Variants in RASA3 observed in about 807,000 individuals in gnomAD.
RASA3 encodes the protein RAS p21 protein activator 3, also known as ras GTPase-activating protein 3.
Under a neutral mutation model 110.0 loss-of-function variants are expected in RASA3, and 73 were observed. The ratio of observed to expected loss-of-function variants is 0.66; its 90% CI spans 0.55 to 0.81. The LOEUF is 0.81. RASA3 is among the 30% of genes least tolerant of loss of function. The pLI is 0.00. For missense variants in RASA3, 976 were observed against 1,113.2 expected, an observed-to-expected ratio of 0.88 and a Z score of 1.75; for synonymous variants, 500 against 451.4, an observed-to-expected ratio of 1.11 and a Z score of -1.37.
chr13:114,043,347 G>A (rs2054456806), intron 3 of RASA3, among the ~76,000 whole-genome samples: 1 of 152,264 alleles, frequency 6.6e-6, no homozygotes, highest in African/African-American at 2.4e-5. Flanking sequence ...TGCCATGCAC[G>A]TCAGCATCTT....
At chr13:114,088,352 G>A (rs1352826011) in intron 1 of RASA3, among the ~76,000 whole-genome samples, 1 of 152,132 alleles carries the variant, frequency 6.6e-6, no homozygotes, top group Admixed American at 6.6e-5. Flanking sequence ...GGCCACATAA[G>A]GAAGGTTCTC....
At chr13:114,027,525 T>C (rs1273577425) in intron 6 of RASA3, 64 bp from the exon 7 acceptor site, 2 of 1,288,386 alleles carry the variant, frequency 1.6e-6, no homozygotes, top group Admixed American at 1.8e-5. Flanking sequence ...CTCTCAGTGG[T>C]AAAACCGAGC....
At chr13:114,033,382 C>T (rs1433218572) in intron 4 of RASA3, among the ~76,000 whole-genome samples, 3 of 133,698 alleles carry the variant, frequency 2.2e-5, no homozygotes, top group Non-Finnish European at 1.6e-5. Context: ...CTTGACACCA[C>T]GTTCCATGGC....
intron 1 of RASA3, among the ~76,000 whole-genome samples, chr13:114,083,490 G>A (rs1172244767): frequency 6.6e-6 from 1 of 152,248 alleles, no homozygotes; most frequent in Non-Finnish European, 1.5e-5. Flanking sequence ...GCAATGGCGT[G>A]CCGTGAAATC....
intron 1 of RASA3, among the ~76,000 whole-genome samples, chr13:114,125,658 C>T (rs2080436809): frequency 6.6e-6 from 1 of 152,180 alleles, no homozygotes; most frequent in Non-Finnish European, 1.5e-5. Context: ...TTGCTATTTG[C>T]TCACTCAGCC....
At chr13:114,023,813 G>A (rs1302607914) in intron 8 of RASA3, among the ~76,000 whole-genome samples, 3 of 152,002 alleles carry the variant, frequency 2.0e-5, no homozygotes, top group Non-Finnish European at 4.4e-5. Flanking sequence ...CAGGACGCCA[G>A]GTGAGAGTGT....
At chr13:114,072,250 T>A (rs867725478) in intron 2 of RASA3, among the ~76,000 whole-genome samples, 22 of 152,178 alleles carry the variant, frequency 1.4e-4, no homozygotes, top group South Asian at 2.1e-4. Flanking sequence ...TCAACTGCAG[T>A]GGTCCTCCGA....
chr13:114,087,459 A>C (rs971408556), intron 1 of RASA3, among the ~76,000 whole-genome samples: 2 of 152,258 alleles, frequency 1.3e-5, no homozygotes, highest in African/African-American at 4.8e-5. Context: ...GTCCACGCAG[A>C]GACCTCCTGG....
intron 1 of RASA3, among the ~76,000 whole-genome samples, chr13:114,122,848 C>T (rs2080396868): frequency 6.6e-6 from 1 of 152,208 alleles, no homozygotes; most frequent in Non-Finnish European, 1.5e-5. Flanking sequence ...AAGCAAGGAC[C>T]ACTGGCTGCC....
At chr13:114,042,021 C>T (rs554395894) in intron 3 of RASA3, among the ~76,000 whole-genome samples, 2 of 152,364 alleles carry the variant, frequency 1.3e-5, no homozygotes, top group African/African-American at 4.8e-5. Flanking sequence ...TACTTTGGGG[C>T]TACGCTTCCA....
At position 114,007,514 on chromosome 13, in the gene RASA3, G is replaced by A. The variant is rs553251338; in HGVS notation, c.1742+19C>T. 478 of 1,595,324 alleles carry A rather than the reference G, an allele frequency of 3.0e-4. No individual in the cohort carries two copies. The highest frequency in any genetic ancestry group is 3.8e-4 in the Non-Finnish European group (442 of 1,166,162). ...CTTCTCCCCTCCTGCCCTGCCAGAC[G>A]CCACCTTACCCTCCTTACCCTTCTT... On this transcript the variant is annotated intron_variant, in intron 18 of 23. Transcript: ENST00000334062.
At chr13:114,100,196 G>A (rs2080037705) in intron 1 of RASA3, among the ~76,000 whole-genome samples, 1 of 151,646 alleles carries the variant, frequency 6.6e-6, no homozygotes, top group South Asian at 2.1e-4. Context: ...ACGCAGCTCT[G>A]ACTCTGCCCC....
chr13:114,110,292 C>T (rs1443337514), intron 1 of RASA3, among the ~76,000 whole-genome samples: 1 of 152,192 alleles, frequency 6.6e-6, no homozygotes, highest in Non-Finnish European at 1.5e-5. Context: ...GAGAGACAGA[C>T]CCGGGCCCCT....
In RASA3 at chr13:114,132,563, A is replaced by G. The variant is rs1288577526; in HGVS notation, c.-74T>C. 18 of 1,216,648 alleles carry G rather than the reference A, an allele frequency of 1.5e-5. No individual in the cohort carries two copies. Among genetic ancestry groups the G allele is most frequent in the Non-Finnish European group, 1.8e-5 (18 of 973,866 alleles). 75.4% of individuals were successfully genotyped at this position (1,216,648 alleles called of 1,614,324 possible). A position where few individuals can be genotyped will look rare whatever the true frequency, so the allele number is the denominator to read the frequency against. On this transcript the variant is annotated 5_prime_UTR_variant, in exon 1 of 24. Transcript: ENST00000334062. ...CGGGCAGCTCAGGCCGAGCAGGAGG[A>G]GCGGCGGCGCCGGAGCCCCGAGCGC...
intron 18 of RASA3, among the ~76,000 whole-genome samples, chr13:114,003,287 T>A (rs2053443281): frequency 6.6e-6 from 1 of 152,228 alleles, no homozygotes; most frequent in South Asian, 2.1e-4. Flanking sequence ...CTCAGCTGCA[T>A]CCAGGGCACC....
chr13:114,128,274 C>G (rs1229712599), intron 1 of RASA3, among the ~76,000 whole-genome samples: 1 of 152,250 alleles, frequency 6.6e-6, no homozygotes, highest in East Asian at 1.9e-4. Context: ...AAACACTTCT[C>G]TTACCTGAGT....
At position 114,040,715 on chromosome 13, in the gene RASA3, C is replaced by T. The variant is rs564729864; in HGVS notation, c.372+285G>A. ...CAACCCAAAATCCACACGCGGAGCC[C>T]GCGCTCACTCCGAGCACAAGCGGGC... On this transcript the variant is annotated intron_variant, in intron 4 of 23. Transcript: ENST00000334062. Among the ~76,000 whole-genome samples, 23 of 148,498 alleles carry T rather than the reference C, an allele frequency of 1.5e-4. 1 individual carries two copies. The highest frequency in any genetic ancestry group is 3.0e-4 in the African/African-American group (12 of 40,170).
chr13:114,069,169 T>G lies in RASA3; in HGVS notation c.173+4551A>C, dbSNP rs1403212700. ...GAAGCTGAGTTCCGCCTTTCCTTCC[T>G]CACACATTCCATTTGCAGCTTCCTG... On this transcript the variant is annotated intron_variant, in intron 2 of 23. Transcript: ENST00000334062. Among the ~76,000 whole-genome samples, 6 of 152,152 alleles carry G rather than the reference T, an allele frequency of 3.9e-5. No homozygotes were observed. The East Asian group carries it at 9.8e-4, about 25-fold the overall frequency.
chr13:114,098,664 G>C (rs2079979077), intron 1 of RASA3, among the ~76,000 whole-genome samples: 1 of 152,042 alleles, frequency 6.6e-6, no homozygotes, highest in Admixed American at 6.5e-5. Flanking sequence ...GGGCATGGAG[G>C]CCGGCTGAGA....
Sources: gnomAD v4.1 joint callset for allele counts (sites outside exome capture counted in the v4.1 genomes callset) on GRCh38, gnomAD v4.1.1 for gene constraint, MANE v1.5 for transcripts, NCBI Gene and HGNC (gene_info 2026-07-23, HGNC 2026-07-21) for gene names.